The following EDA variants were observed in gnomAD, a reference collection of about 807,000 sequenced individuals.
EDA encodes the protein ectodysplasin A.
In EDA, 2 loss-of-function variants were observed where a neutral mutation model predicts 23.6. That is an observed-to-expected ratio of 0.08 (90% CI 0.03 to 0.27). The LOEUF (loss-of-function observed/expected upper bound fraction) is 0.27. EDA is among the 10% of genes least tolerant of loss of function. The pLI, the probability that EDA is intolerant of heterozygous loss-of-function variation, is 1.00. For synonymous variants in EDA, 131 were observed against 132.0 expected, an observed-to-expected ratio of 0.99 and a Z score of 0.05; for missense variants, 229 against 324.2, an observed-to-expected ratio of 0.71 and a Z score of 2.26.
intron 2 of EDA, among the ~76,000 whole-genome samples, chrX:70,011,726 T>G (rs1033982851): frequency 2.7e-5 from 3 of 112,083 alleles, no homozygotes; most frequent in African/African-American, 9.7e-5. Flanking sequence ...AAGGCCGATC[T>G]ACTAGCAACA....
At chrX:69,955,593 T>C (rs2018988448) in intron 1 of EDA, among the ~76,000 whole-genome samples, 1 of 111,667 alleles carries the variant, frequency 9.0e-6, no homozygotes, top group Admixed American at 9.5e-5. Flanking sequence ...GAACTGATAA[T>C]AGAATGAAAA....
At chrX:69,824,191 G>C (rs1452929736) in intron 1 of EDA, among the ~76,000 whole-genome samples, 1 of 109,832 alleles carries the variant, frequency 9.1e-6, no homozygotes, top group Non-Finnish European at 1.9e-5. Context: ...GCTCTTTTTT[G>C]GTTCCATATG....
intron 1 of EDA, among the ~76,000 whole-genome samples, chrX:69,851,157 T>TTG (rs57593985): frequency 0.42 from 42,611 of 101,476 alleles, 7,633 homozygotes; most frequent in East Asian, 0.9. Context: ...GATCAAGGGT[T>TTG]TGTGTGTGTG....
chrX:69,887,441 T>C (rs760298691), intron 1 of EDA, among the ~76,000 whole-genome samples: 6 of 112,060 alleles, frequency 5.4e-5, no homozygotes, highest in African/African-American at 9.7e-5. Context: ...AAGACTTCAA[T>C]AGAGAGCTTC....
intron 1 of EDA, among the ~76,000 whole-genome samples, chrX:69,694,878 T>C (rs1034158906): frequency 3.6e-5 from 4 of 112,357 alleles, no homozygotes; most frequent in African/African-American, 1.3e-4. Context: ...ATATATTGAA[T>C]AAGCCCAGTT....
At position 69,749,922 on chromosome X, in the gene EDA, C is replaced by CTTTTTTTTTTTT. The variant is rs1569317439; in HGVS notation, c.396+133234_396+133245dup. Among the ~76,000 whole-genome samples the CTTTTTTTTTTTT allele has an allele frequency of 2.4e-4, 8 of 33,261 alleles. 2 individuals carry two copies. Among genetic ancestry groups the CTTTTTTTTTTTT allele is most frequent in the African/African-American group, 3.3e-4 (4 of 12,213 alleles). The allele number at this position is 33,261 out of a possible 115,157, so 28.9% of individuals were successfully genotyped here. A position where few individuals can be genotyped will look rare whatever the true frequency, so the allele number is the denominator to read the frequency against. ...TTAGAAACTTCCTCTCACTAAGGTT[C>CTTTTTTTTTTTT]TTTTTTTTTTTTTTTTTTTTTTTTT... On this transcript the variant is annotated intron_variant, in intron 1 of 7. Transcript: ENST00000374552.
intron 1 of EDA, among the ~76,000 whole-genome samples, chrX:69,664,727 G>A (rs1052380133): frequency 1.6e-4 from 18 of 111,198 alleles, no homozygotes; most frequent in African/African-American, 4.9e-4. Flanking sequence ...GTCCATTGAT[G>A]AACATTTAAG....
At chrX:69,748,482 A>G (rs947161939) in intron 1 of EDA, among the ~76,000 whole-genome samples, 1 of 112,080 alleles carries the variant, frequency 8.9e-6, no homozygotes. Context: ...GTAAGTTTGC[A>G]TCACGTAAAC....
chrX:69,978,780 C>T (rs1250717764), intron 2 of EDA, among the ~76,000 whole-genome samples: 1 of 111,333 alleles, frequency 9.0e-6, no homozygotes, highest in Non-Finnish European at 1.9e-5. Flanking sequence ...CATTTCATAT[C>T]AATGGATTCA....
chrX:70,000,969 G>A (rs1423859675), intron 2 of EDA, among the ~76,000 whole-genome samples: 1 of 111,738 alleles, frequency 8.9e-6, no homozygotes, highest in African/African-American at 3.3e-5. Flanking sequence ...ATAGAGGATG[G>A]CCAACACACA....
At chrX:69,843,502 T>C (rs918556050) in intron 1 of EDA, among the ~76,000 whole-genome samples, 3 of 111,847 alleles carry the variant, frequency 2.7e-5, no homozygotes, top group African/African-American at 9.8e-5. Flanking sequence ...TTTCATTTCA[T>C]TATACAGAGT....
chrX:69,754,682 G>A (rs761308074), intron 1 of EDA, among the ~76,000 whole-genome samples: 14 of 111,582 alleles, frequency 1.3e-4, no homozygotes, highest in South Asian at 3.8e-4. Context: ...CATTCTCCCC[G>A]TCACTTTCAG....
chrX:69,911,973 G>A lies in EDA; in HGVS notation c.397-45054G>A, dbSNP rs181238684. Among the ~76,000 whole-genome samples, 527 of 112,476 alleles carry A rather than the reference G, an allele frequency of 4.7e-3. 2 individuals are homozygous for A. Among genetic ancestry groups the A allele is most frequent in the Non-Finnish European group, 7.6e-3 (403 of 53,293 alleles). ...TTTTCACAAAAGATTTCACTGTAAC[G>A]TGATGCTGTTTGATAGCATTTTAAC... is the stretch of plus-strand genomic sequence containing the variant. On this transcript the variant is annotated intron_variant, in intron 1 of 7. Coordinates refer to ENST00000374552, the MANE Select transcript of EDA (RefSeq NM_001399.5).
intron 1 of EDA, among the ~76,000 whole-genome samples, chrX:69,948,103 A>G (rs2018860461): frequency 8.9e-6 from 1 of 112,232 alleles, no homozygotes; most frequent in African/African-American, 3.2e-5. Context: ...TAAGATATAT[A>G]AGGCATTATT....
At chrX:69,832,873 T>A (rs1227964082) in intron 1 of EDA, among the ~76,000 whole-genome samples, 3 of 111,776 alleles carry the variant, frequency 2.7e-5, no homozygotes, top group Non-Finnish European at 3.8e-5. Context: ...TGCTTGTGAT[T>A]TTTGCACATT....
chrX:69,850,061 C>A (rs1248712063), intron 1 of EDA, among the ~76,000 whole-genome samples: 3 of 112,177 alleles, frequency 2.7e-5, no homozygotes, highest in African/African-American at 9.7e-5. Flanking sequence ...ATATCTATAC[C>A]TGACCTGCAT....
chrX:69,660,773 G>A (rs1933467699), intron 1 of EDA, among the ~76,000 whole-genome samples: 1 of 111,520 alleles, frequency 9.0e-6, no homozygotes, highest in Admixed American at 9.6e-5. Context: ...CCAAGTCTTT[G>A]CTATTGTGAA....
chrX:69,943,791 A>G (rs534477746), intron 1 of EDA, among the ~76,000 whole-genome samples: 1 of 110,032 alleles, frequency 9.1e-6, no homozygotes. Context: ...AGACAGGTCC[A>G]ACGATGCCAT....
chrX:70,030,609 C>T lies in EDA; in HGVS notation c.793+89C>T, dbSNP rs1602620657. Reference sequence around the variant, plus strand: ...AAATAATCACCCAGCCTAGTTCCTCCCAGGCCGCTGAGGTACCGTTGGCAT... The same window carrying T: ...AAATAATCACCCAGCCTAGTTCCTCTCAGGCCGCTGAGGTACCGTTGGCAT... On this transcript the variant is annotated intron_variant, in intron 6 of 7. Coordinates refer to ENST00000374552, the MANE Select transcript of EDA (RefSeq NM_001399.5). The T allele has an allele frequency of 1.3e-5, 11 of 871,470 alleles. No individual in the cohort carries two copies. In the East Asian group the frequency reaches 3.7e-4, roughly 29 times the overall value. 71.8% of individuals were successfully genotyped at this position (871,470 alleles called of 1,213,427 possible).
Sources: gnomAD v4.1 joint callset for allele counts (sites outside exome capture counted in the v4.1 genomes callset) on GRCh38, gnomAD v4.1.1 for gene constraint, MANE v1.5 for transcripts, NCBI Gene and HGNC (gene_info 2026-07-23, HGNC 2026-07-21) for gene names.